Variants in PDZRN3 observed in about 807,000 individuals in gnomAD.
PDZRN3 encodes the protein E3 ubiquitin-protein ligase PDZRN3.
Under a neutral mutation model 85.7 loss-of-function variants are expected in PDZRN3, and 38 were observed. The ratio of observed to expected loss-of-function variants is 0.44; its 90% CI spans 0.34 to 0.58. The LOEUF (loss-of-function observed/expected upper bound fraction) is 0.58. Ranked by LOEUF, PDZRN3 falls within the 20% of genes least tolerant of loss-of-function variation. The pLI is 0.01. For synonymous variants in PDZRN3, 759 were observed against 638.0 expected (o/e 1.19, Z -2.86); for missense variants, 1,629 against 1,506.4 (o/e 1.08, Z -1.35).
At chr3:73,588,935 T>G (rs1286630186) in intron 3 of PDZRN3, among the ~76,000 whole-genome samples, 1 of 152,154 alleles carries the variant, frequency 6.6e-6, no homozygotes, top group Non-Finnish European at 1.5e-5. Flanking sequence ...CTCACTCTGA[T>G]TTTTCTCCGA....
intron 3 of PDZRN3, among the ~76,000 whole-genome samples, chr3:73,577,467 C>G (rs557573031): frequency 6.6e-6 from 1 of 152,208 alleles, no homozygotes; most frequent in Non-Finnish European, 1.5e-5. Context: ...TGCCAGAGAG[C>G]TTCCCTTTTT....
intron 3 of PDZRN3, among the ~76,000 whole-genome samples, chr3:73,520,181 T>C (rs533099709): frequency 6.6e-5 from 10 of 152,242 alleles, no homozygotes; most frequent in African/African-American, 2.4e-4. Context: ...GTCTCCTATA[T>C]ATCTTTGGGG....
intron 3 of PDZRN3, among the ~76,000 whole-genome samples, chr3:73,414,879 A>G (rs1422415228): frequency 6.6e-6 from 1 of 152,122 alleles, no homozygotes. Flanking sequence ...CATTTGAAAT[A>G]CTCTTCAAAG....
intron 3 of PDZRN3, among the ~76,000 whole-genome samples, chr3:73,464,470 A>T (rs1259904902): frequency 1.3e-5 from 2 of 152,168 alleles, no homozygotes; most frequent in Non-Finnish European, 2.9e-5. Context: ...TCTAATTGTC[A>T]TTGTTGAACT....
At position 73,384,335 on chromosome 3, in the gene PDZRN3, G is replaced by C. The variant is rs766329309; in HGVS notation, c.2231C>G (p.Thr744Ser). 1 of 1,611,470 alleles carries C rather than the reference G, an allele frequency of 6.2e-7. No individual in the cohort carries two copies. The highest frequency in any genetic ancestry group is 1.7e-5 in the Admixed American group (1 of 60,026). The change falls in exon 10 of 10, where the codon ACC becomes AGC. Residue 744 changes from threonine (T) to serine (S), a missense_variant. Thr to Ser is a moderately conservative substitution (Grantham distance 58). Transcript: ENST00000263666. ...DVRRHELSDITELPEKSDKDS... is the reference protein window; with the variant it reads ...DVRRHELSDISELPEKSDKDS... ...CTTGTCGGATTTCTCCGGGAGCTCG[G>C]TGATATCTGAGAGCTCGTGTCTGCG...
At chr3:73,535,132 T>C (rs1448391428) in intron 3 of PDZRN3, among the ~76,000 whole-genome samples, 1 of 152,182 alleles carries the variant, frequency 6.6e-6, no homozygotes, top group East Asian at 1.9e-4. Flanking sequence ...ATGACCCAGG[T>C]GGCAGGCTGC....
intron 3 of PDZRN3, among the ~76,000 whole-genome samples, chr3:73,412,630 C>T (rs577816621): frequency 2.0e-5 from 3 of 152,294 alleles, no homozygotes; most frequent in Admixed American, 2.0e-4. Flanking sequence ...GGCTGTAGCA[C>T]TTGTGAGCTG....
intron 3 of PDZRN3, among the ~76,000 whole-genome samples, chr3:73,546,290 T>C (rs1046214046): frequency 1.3e-5 from 2 of 152,150 alleles, no homozygotes; most frequent in African/African-American, 4.8e-5. Flanking sequence ...TGTAAACCAG[T>C]ATTACTGGAG....
intron 2 of PDZRN3, 98 bp from the exon 3 acceptor site, chr3:73,602,559 G>A: frequency 2.9e-6 from 2 of 690,678 alleles, no homozygotes; most frequent in Non-Finnish European, 5.2e-6. Context: ...CTCTTGCTGT[G>A]TCAAGAGTGG....
chr3:73,477,886 G>A (rs1703488316), intron 3 of PDZRN3, among the ~76,000 whole-genome samples: 2 of 152,174 alleles, frequency 1.3e-5, no homozygotes, highest in South Asian at 4.1e-4. Context: ...GCAGGCAAGG[G>A]ACGTGTGCAG....
At chr3:73,563,013 ATTTTTTTTTT>A (rs879510100) in intron 3 of PDZRN3, among the ~76,000 whole-genome samples, 5 of 43,760 alleles carry the variant, frequency 1.1e-4, no homozygotes, top group South Asian at 1.1e-3. Flanking sequence ...ATATATATAT[ATTTTTTTTTT>A]TTTTTTTTTT....
intron 3 of PDZRN3, among the ~76,000 whole-genome samples, chr3:73,467,643 T>A (rs1050415470): frequency 1.6e-4 from 24 of 152,248 alleles, no homozygotes; most frequent in African/African-American, 5.3e-4. Context: ...TGCTAATATT[T>A]GCTAATCTCA....
chr3:73,447,048 T>TATAC (rs1459116761), intron 3 of PDZRN3, among the ~76,000 whole-genome samples: 44 of 144,216 alleles, frequency 3.1e-4, no homozygotes, highest in African/African-American at 1.1e-3. Context: ...TGACTATATA[T>TATAC]ATATATATAA....
intron 3 of PDZRN3, among the ~76,000 whole-genome samples, chr3:73,601,982 T>C (rs1203966189): frequency 1.3e-5 from 2 of 152,206 alleles, no homozygotes; most frequent in Middle Eastern, 3.2e-3. Context: ...CTGACACAAT[T>C]GTACCCTGGT....
At chr3:73,603,488 AT>A in intron 2 of PDZRN3, among the ~76,000 whole-genome samples, 1 of 152,320 alleles carries the variant, frequency 6.6e-6, no homozygotes, top group African/African-American at 2.4e-5. Flanking sequence ...TAACAGATGG[AT>A]TTATAAATTA....
chr3:73,555,960 G>T (rs1559736416), intron 3 of PDZRN3, among the ~76,000 whole-genome samples: 1 of 152,148 alleles, frequency 6.6e-6, no homozygotes, highest in Non-Finnish European at 1.5e-5. Flanking sequence ...TCACTGAAGA[G>T]GGTGATTCAG....
At chr3:73,470,989 G>GCCC (rs1189998552) in intron 3 of PDZRN3, among the ~76,000 whole-genome samples, 3 of 152,124 alleles carry the variant, frequency 2.0e-5, no homozygotes, top group African/African-American at 7.2e-5. Flanking sequence ...GTTGAAATGT[G>GCCC]CCCCTCCACC....
intron 3 of PDZRN3, among the ~76,000 whole-genome samples, chr3:73,543,378 C>T (rs1456038207): frequency 6.6e-6 from 1 of 152,198 alleles, no homozygotes; most frequent in Non-Finnish European, 1.5e-5. Context: ...GTAGGCAGCA[C>T]CTGAGAGGTG....
chr3:73,528,885 AACACACACACAC>A (rs56134399), intron 3 of PDZRN3, among the ~76,000 whole-genome samples: 9 of 146,866 alleles, frequency 6.1e-5, no homozygotes, highest in East Asian at 2.0e-4. Context: ...TTTTGTGGGA[AACACACACACAC>A]ACACACACAC....
Sources: gnomAD v4.1 joint callset for allele counts (sites outside exome capture counted in the v4.1 genomes callset) on GRCh38, gnomAD v4.1.1 for gene constraint, MANE v1.5 for transcripts, NCBI Gene and HGNC (gene_info 2026-07-23, HGNC 2026-07-21) for gene names.